Variants in TNNI3K observed in about 807,000 individuals in gnomAD.
The protein encoded by TNNI3K is TNNI3 interacting kinase, also known as serine/threonine-protein kinase TNNI3K.
A neutral mutation model predicts 114.5 loss-of-function variants in TNNI3K; 140 were observed. The ratio of observed to expected loss-of-function variants is 1.22; its 90% CI spans 1.07 to 1.41. The LOEUF is 1.41. Among genes scored for constraint, TNNI3K ranks in the 40% most tolerant of loss-of-function variants. The pLI, the probability that TNNI3K is intolerant of heterozygous loss-of-function variation, is 0.00. For missense variants in TNNI3K, 1,125 were observed against 1,007.6 expected, an observed-to-expected ratio of 1.12 and a Z score of -1.58; for synonymous variants, 347 against 347.5, an observed-to-expected ratio of 1.00 and a Z score of 0.02.
At chr1:74,461,086 C>T (rs1349674996) in intron 20 of TNNI3K, among the ~76,000 whole-genome samples, 1 of 152,184 alleles carries the variant, frequency 6.6e-6, no homozygotes, top group Non-Finnish European at 1.5e-5. Context: ...CAACAATATC[C>T]AAATGATCAT....
At position 74,515,770 on chromosome 1, in the gene TNNI3K, T is replaced by A. The variant is rs145845784; in HGVS notation, c.2351+23504T>A. Among the ~76,000 whole-genome samples, 153 of 152,304 alleles carry A rather than the reference T, an allele frequency of 1.0e-3. 1 individual carries two copies. In the East Asian group the frequency reaches 0.015, roughly 15 times the overall value. ...ATTCAAGTAGGTCAAAAAATAAGTA[T>A]GATAAAAGCTAAGGGAAATCTGAGG... On this transcript the variant is annotated intron_variant, in intron 23 of 24. Transcript: ENST00000326637.
intron 6 of TNNI3K, among the ~76,000 whole-genome samples, chr1:74,334,881 T>C (rs1000001265): frequency 3.9e-5 from 6 of 152,222 alleles, no homozygotes; most frequent in Admixed American, 3.9e-4. Flanking sequence ...GGATTATTTA[T>C]GTAAAGTGAA....
intron 23 of TNNI3K, among the ~76,000 whole-genome samples, chr1:74,525,953 G>T: frequency 6.6e-6 from 1 of 152,172 alleles, no homozygotes. Flanking sequence ...GTTATTCAGG[G>T]TCTGACAGCA....
intron 9 of TNNI3K, among the ~76,000 whole-genome samples, chr1:74,350,739 T>C (rs1256134938): frequency 6.6e-6 from 1 of 152,144 alleles, no homozygotes; most frequent in African/African-American, 2.4e-5. Context: ...TTTGTCTCTT[T>C]TGATCTTTGT....
intron 23 of TNNI3K, among the ~76,000 whole-genome samples, chr1:74,495,829 T>C (rs1017370356): frequency 6.6e-6 from 1 of 152,216 alleles, no homozygotes; most frequent in Non-Finnish European, 1.5e-5. Context: ...CAGTTTCTCC[T>C]GGAAGTCAAT....
chr1:74,243,642 T>G (rs1654380241), intron 2 of TNNI3K, among the ~76,000 whole-genome samples: 1 of 152,130 alleles, frequency 6.6e-6, no homozygotes, highest in South Asian at 2.1e-4. Context: ...GAAAAAGAAG[T>G]TTAATTGGAT....
At chr1:74,288,149 T>C (rs1657447404) in intron 5 of TNNI3K, among the ~76,000 whole-genome samples, 1 of 151,994 alleles carries the variant, frequency 6.6e-6, no homozygotes, top group Admixed American at 6.6e-5. Flanking sequence ...GAAAAGAGTA[T>C]AAAGATTCCT....
At chr1:74,419,766 G>A (rs952063243) in intron 17 of TNNI3K, among the ~76,000 whole-genome samples, 1 of 152,066 alleles carries the variant, frequency 6.6e-6, no homozygotes. Flanking sequence ...AACCTACACA[G>A]GATATTATCA....
At chr1:74,503,640 C>A (rs1363168067) in intron 23 of TNNI3K, among the ~76,000 whole-genome samples, 1 of 152,110 alleles carries the variant, frequency 6.6e-6, no homozygotes, top group Non-Finnish European at 1.5e-5. Flanking sequence ...ACATGCACTT[C>A]CTGAACGTCA....
intron 20 of TNNI3K, among the ~76,000 whole-genome samples, chr1:74,441,903 C>T (rs1158304278): frequency 1.3e-5 from 2 of 152,170 alleles, no homozygotes; most frequent in East Asian, 1.9e-4. Context: ...TTCCTGTAAT[C>T]TGTGGCTTGC....
chr1:74,296,440 T>C (rs1293095475), intron 5 of TNNI3K, among the ~76,000 whole-genome samples: 1 of 151,926 alleles, frequency 6.6e-6, no homozygotes, highest in East Asian at 1.9e-4. Context: ...TAAAATGCTA[T>C]GTCATAATTA....
chr1:74,510,100 G>A (rs1670108698), intron 23 of TNNI3K, among the ~76,000 whole-genome samples: 2 of 152,022 alleles, frequency 1.3e-5, no homozygotes, highest in South Asian at 4.1e-4. Flanking sequence ...TTTTGTAAAA[G>A]GTAGACAGTT....
chr1:74,266,085 T>C (rs1453941106), intron 4 of TNNI3K, among the ~76,000 whole-genome samples: 1 of 152,072 alleles, frequency 6.6e-6, no homozygotes, highest in Non-Finnish European at 1.5e-5. Flanking sequence ...TCTCATGGAT[T>C]CTTAGTTCAA....
In TNNI3K at chr1:74,543,569, C is replaced by T. The variant is rs1034745344; in HGVS notation, c.2432-337C>T. Among the ~76,000 whole-genome samples, 57 of 152,260 alleles carry T rather than the reference C, an allele frequency of 3.7e-4. 2 individuals are homozygous for T. Among genetic ancestry groups the T allele is most frequent in the East Asian group, 7.7e-4 (4 of 5,166 alleles). ...CACAGAGTCAGCAAGTAGTGGAATC[C>T]GTGCTTAAACCCAGATTTGCCTGAC... On this transcript the variant is annotated intron_variant, in intron 24 of 24. Transcript: ENST00000326637.
At chr1:74,239,024 A>G (rs1246873700) in intron 2 of TNNI3K, among the ~76,000 whole-genome samples, 2 of 152,108 alleles carry the variant, frequency 1.3e-5, no homozygotes, top group African/African-American at 2.4e-5. Flanking sequence ...AAGTTTGAAA[A>G]CTATACTTCT....
At chr1:74,363,634 A>G (rs1213263941) in intron 11 of TNNI3K, among the ~76,000 whole-genome samples, 2 of 151,992 alleles carry the variant, frequency 1.3e-5, no homozygotes, top group African/African-American at 4.8e-5. Flanking sequence ...AGGCCCTCTC[A>G]TCTGTCAGCC....
intron 23 of TNNI3K, among the ~76,000 whole-genome samples, chr1:74,538,552 T>C (rs1243999051): frequency 1.3e-5 from 2 of 152,092 alleles, no homozygotes; most frequent in Non-Finnish European, 2.9e-5. Flanking sequence ...ATAAACAAGA[T>C]AATTTTCTAT....
intron 5 of TNNI3K, among the ~76,000 whole-genome samples, chr1:74,296,496 C>T (rs183220720): frequency 6.4e-4 from 97 of 151,980 alleles, no homozygotes; most frequent in Admixed American, 1.2e-3. Flanking sequence ...CATATATTTA[C>T]CCTTTCCATA....
At chr1:74,453,060 C>A (rs1033309431) in intron 20 of TNNI3K, among the ~76,000 whole-genome samples, 11 of 152,140 alleles carry the variant, frequency 7.2e-5, no homozygotes, top group Non-Finnish European at 1.5e-4. Context: ...GCATTTATCA[C>A]ATTTTACTCA....
Sources: gnomAD v4.1 joint callset for allele counts (sites outside exome capture counted in the v4.1 genomes callset) on GRCh38, gnomAD v4.1.1 for gene constraint, MANE v1.5 for transcripts, NCBI Gene and HGNC (gene_info 2026-07-23, HGNC 2026-07-21) for gene names.